UBR1: variants seen among roughly 807,000 people sequenced by gnomAD.
UBR1 encodes the protein ubiquitin protein ligase E3 component n-recognin 1.
In UBR1, 102 loss-of-function variants were observed where a neutral mutation model predicts 242.1. The ratio of observed to expected loss-of-function variants is 0.42; its 90% CI spans 0.36 to 0.50. UBR1 has a LOEUF of 0.50. Ranked by LOEUF, UBR1 falls within the 20% of genes least tolerant of loss-of-function variation. The pLI is 0.01. For missense variants in UBR1, 1,772 were observed against 2,101.8 expected (o/e 0.84, Z 3.07); for synonymous variants, 675 against 684.8 (o/e 0.99, Z 0.22).
At chr15:43,091,861 G>T in intron 1 of UBR1, 1 of 322,900 alleles carries the variant, frequency 3.1e-6, no homozygotes, top group South Asian at 2.4e-5. Context: ...GAACCCGGGA[G>T]GTGGAGGTTG....
intron 29 of UBR1, among the ~76,000 whole-genome samples, chr15:43,008,381 C>T (rs745571860): frequency 2.0e-5 from 3 of 152,278 alleles, no homozygotes; most frequent in South Asian, 2.1e-4. Flanking sequence ...GCCGCGGCCC[C>T]GGCCAGGTGT....
intron 21 of UBR1, among the ~76,000 whole-genome samples, chr15:43,028,666 A>C (rs2033209184): frequency 6.6e-6 from 1 of 151,632 alleles, no homozygotes. Flanking sequence ...AATCACTTGA[A>C]CACAGGAGGC....
Position 42,998,238 on chromosome 15 carries a change from A to C in UBR1, c.3687T>G (p.Leu1229=). 1 of 1,614,022 alleles carries C rather than the reference A, an allele frequency of 6.2e-7. No homozygotes were observed. Among genetic ancestry groups the C allele is most frequent in the Non-Finnish European group, 8.5e-7 (1 of 1,179,966 alleles). ...NSENADALAQ[L]LTLARWIQTV... is the part of the protein sequence containing the mutation. ...TCTGTATCCACCGTGCCAGGGTCAAAAGTTGAGCAAGAGCATCTGCATTCT... is the reference window on the plus strand; with the variant it reads ...TCTGTATCCACCGTGCCAGGGTCAACAGTTGAGCAAGAGCATCTGCATTCT... Residue 1229 remains leucine, a synonymous_variant, in exon 33 of 47, where the codon CTT becomes CTG. Transcript: ENST00000290650.
intron 44 of UBR1, among the ~76,000 whole-genome samples, chr15:42,953,278 C>G (rs867647307): frequency 6.6e-6 from 1 of 152,204 alleles, no homozygotes; most frequent in African/African-American, 2.4e-5. Flanking sequence ...CTCCTCCCAT[C>G]TATGCTGTAC....
intron 29 of UBR1, among the ~76,000 whole-genome samples, chr15:43,014,832 G>A (rs189338973): frequency 0.045 from 4,042 of 89,614 alleles, no homozygotes; most frequent in Middle Eastern, 0.15. Context: ...CCGGGAGGGA[G>A]GTGGGGGTCA....
chr15:43,044,278 T>C (rs571353365), intron 14 of UBR1, among the ~76,000 whole-genome samples: 35 of 152,232 alleles, frequency 2.3e-4, no homozygotes, highest in African/African-American at 7.5e-4. Flanking sequence ...TCATTGAAGA[T>C]GGTAGATTGG....
intron 3 of UBR1, among the ~76,000 whole-genome samples, chr15:43,076,539 A>G (rs1173337902): frequency 1.4e-5 from 2 of 145,556 alleles, no homozygotes; most frequent in African/African-American, 5.2e-5. Context: ...AGATGTGGGG[A>G]GCGCCTCTGC....
intron 32 of UBR1, among the ~76,000 whole-genome samples, chr15:42,999,958 G>C (rs2032698308): frequency 6.6e-6 from 1 of 152,064 alleles, no homozygotes; most frequent in African/African-American, 2.4e-5. Flanking sequence ...GCACAAATTT[G>C]ACCTAAGAAG....
intron 46 of UBR1, among the ~76,000 whole-genome samples, chr15:42,949,449 A>AT (rs879783725): frequency 9.0e-4 from 136 of 151,570 alleles, no homozygotes; most frequent in Middle Eastern, 3.4e-3. Flanking sequence ...ATAAAATAAA[A>AT]AAAAAATTAT....
intron 35 of UBR1, among the ~76,000 whole-genome samples, chr15:42,987,104 A>G (rs1262975144): frequency 3.3e-5 from 5 of 152,234 alleles, no homozygotes; most frequent in African/African-American, 7.2e-5. Context: ...GTCCAACCGC[A>G]GTCTGGCTCT....
At chr15:43,074,451 G>C (rs2033861370) in intron 4 of UBR1, among the ~76,000 whole-genome samples, 3 of 151,976 alleles carry the variant, frequency 2.0e-5, no homozygotes. Flanking sequence ...TCCTTTTTGA[G>C]ATAGTCTCAC....
chr15:43,021,042 T>C (rs1287538120), intron 27 of UBR1: 1 of 421,990 alleles, frequency 2.4e-6, no homozygotes, highest in Non-Finnish European at 4.4e-6. Context: ...GCATGGCACA[T>C]GGTAGGTTTT....
intron 23 of UBR1, 88 bp from the exon 24 acceptor site, chr15:43,025,517 C>T (rs1452408935): frequency 4.2e-6 from 4 of 941,528 alleles, no homozygotes; most frequent in Non-Finnish European, 6.7e-6. Flanking sequence ...ACCCAACCAC[C>T]TATTAAAATA....
chr15:42,962,078 G>A (rs1366025981), intron 42 of UBR1, among the ~76,000 whole-genome samples: 1 of 151,482 alleles, frequency 6.6e-6, no homozygotes, highest in African/African-American at 2.4e-5. Flanking sequence ...TTATCATTTT[G>A]CCCCTTTTCT....
At chr15:43,076,862 C>T (rs1314742667) in intron 3 of UBR1, among the ~76,000 whole-genome samples, 2 of 19,894 alleles carry the variant, frequency 1.0e-4, no homozygotes, top group East Asian at 1.4e-3. Flanking sequence ...GAAGTGAGGA[C>T]CCCTCTGCCC....
Position 43,067,958 on chromosome 15 carries a change from T to C in UBR1, c.738A>G (p.Gln246=), listed in dbSNP as rs769429423. ...HSYDHVIYSL[Q]RALDCELAEA... Reference sequence around the variant, plus strand: ...CTGCGAGCTCACAGTCAAGAGCTCTTTGTAGGCTGTATATGACGTGGTCAT... The same window carrying C: ...CTGCGAGCTCACAGTCAAGAGCTCTCTGTAGGCTGTATATGACGTGGTCAT... Residue 246 remains glutamine, a synonymous_variant, in exon 6 of 47, where the codon CAA becomes CAG. Coordinates refer to ENST00000290650, the MANE Select transcript of UBR1 (RefSeq NM_174916.3). 4.3e-6 allele frequency: 7 copies of C among 1,613,702 alleles called. No individual in the cohort carries two copies. The East Asian group carries it at 1.6e-4, about 36-fold the overall frequency.
At chr15:42,960,308 T>G (rs1036140025) in intron 43 of UBR1, among the ~76,000 whole-genome samples, 1 of 152,322 alleles carries the variant, frequency 6.6e-6, no homozygotes, top group South Asian at 2.1e-4. Context: ...AAGTGGCTTA[T>G]AGAAATATTG....
chr15:43,044,432 A>G (rs564298382), intron 14 of UBR1, among the ~76,000 whole-genome samples: 1 of 152,360 alleles, frequency 6.6e-6, no homozygotes, highest in Non-Finnish European at 1.5e-5. Context: ...TATATTTGAG[A>G]TAAGGAAGAA....
chr15:43,085,453 A>G (rs957905660), intron 2 of UBR1, among the ~76,000 whole-genome samples: 4 of 152,358 alleles, frequency 2.6e-5, no homozygotes, highest in South Asian at 4.1e-4. Flanking sequence ...TGGAAGACAT[A>G]TATATTCAGA....
Sources: allele counts gnomAD v4.1 joint callset (sites outside exome capture counted in the v4.1 genomes callset), GRCh38; gene constraint gnomAD v4.1.1; transcripts MANE v1.5; gene names NCBI Gene and HGNC (gene_info 2026-07-23, HGNC 2026-07-21).